Variants in PCDH11X observed in about 807,000 individuals in gnomAD.
The protein encoded by PCDH11X is protocadherin-11 X-linked.
In PCDH11X, 18 loss-of-function variants were observed where a neutral mutation model predicts 53.3. That is an observed-to-expected ratio of 0.34 (90% CI 0.23 to 0.50). The LOEUF is 0.50. PCDH11X is among the 20% of genes least tolerant of loss of function. PCDH11X has a pLI of 0.98. For synonymous variants in PCDH11X, 279 were observed against 393.3 expected (o/e 0.71, Z 3.44); for missense variants, 570 against 1,032.4 (o/e 0.55, Z 6.14).
At chrX:91,880,395 A>T (rs1042288033) in intron 6 of PCDH11X, among the ~76,000 whole-genome samples, 12 of 111,305 alleles carry the variant, frequency 1.1e-4, no homozygotes, top group Admixed American at 3.9e-4. Context: ...TAGCAATGTG[A>T]AAATCAAAAC....
At chrX:92,064,734 T>C (rs1003274970) in intron 6 of PCDH11X, among the ~76,000 whole-genome samples, 1 of 109,861 alleles carries the variant, frequency 9.1e-6, no homozygotes, top group Non-Finnish European at 1.9e-5. Flanking sequence ...AATTTTTTGT[T>C]GTTTTTTGTT....
intron 10 of PCDH11X, among the ~76,000 whole-genome samples, chrX:92,510,780 TG>T (rs2074147948): frequency 2.7e-5 from 3 of 111,702 alleles, no homozygotes; most frequent in African/African-American, 6.5e-5. Context: ...AAATTCAGTT[TG>T]TCTTATCCTA....
intron 5 of PCDH11X, among the ~76,000 whole-genome samples, chrX:91,869,946 A>G (rs1602395566): frequency 8.9e-6 from 1 of 111,978 alleles, no homozygotes; most frequent in Non-Finnish European, 1.9e-5. Context: ...ATTATTATGC[A>G]TGCTAGTAAA....
chrX:92,550,971 T>C (rs2074943819), intron 10 of PCDH11X, among the ~76,000 whole-genome samples: 1 of 111,244 alleles, frequency 9.0e-6, no homozygotes, highest in African/African-American at 3.3e-5. Flanking sequence ...ACCACATTTC[T>C]TTCTCTATTC....
chrX:92,324,284 A>G (rs919289301), intron 8 of PCDH11X, among the ~76,000 whole-genome samples: 2 of 111,648 alleles, frequency 1.8e-5, no homozygotes, highest in African/African-American at 6.5e-5. Context: ...CACCCCAGGA[A>G]TCATGGTCTT....
At chrX:91,889,251 A>G (rs980145121) in intron 6 of PCDH11X, among the ~76,000 whole-genome samples, 4 of 111,639 alleles carry the variant, frequency 3.6e-5, no homozygotes, top group African/African-American at 1.3e-4. Context: ...AAAACTATGA[A>G]TTGAGTGTAT....
intron 6 of PCDH11X, among the ~76,000 whole-genome samples, chrX:92,159,814 ATTTT>A: frequency 2.4e-5 from 1 of 42,403 alleles, no homozygotes; most frequent in Admixed American, 3.8e-4. Flanking sequence ...AGGTTACCTC[ATTTT>A]TTTTTTTTTT....
intron 6 of PCDH11X, among the ~76,000 whole-genome samples, chrX:92,084,669 A>G (rs1270902519): frequency 8.9e-6 from 1 of 111,733 alleles, no homozygotes; most frequent in Non-Finnish European, 1.9e-5. Context: ...CTGAGAGTGC[A>G]GCTCGCATGT....
At chrX:92,464,699 A>G (rs1332357843) in intron 9 of PCDH11X, among the ~76,000 whole-genome samples, 1 of 111,576 alleles carries the variant, frequency 9.0e-6, no homozygotes, top group Non-Finnish European at 1.9e-5. Context: ...TATGCAATCT[A>G]CACAAGTACA....
At chrX:91,796,097 GGTTAA>G (rs1293946893) in intron 1 of PCDH11X, among the ~76,000 whole-genome samples, 2 of 111,662 alleles carry the variant, frequency 1.8e-5, no homozygotes, top group African/African-American at 3.2e-5. Flanking sequence ...TAACAAGTTT[GGTTAA>G]GTGCAAGGAA....
At chrX:91,938,249 C>T (rs998389151) in intron 6 of PCDH11X, among the ~76,000 whole-genome samples, 6 of 109,409 alleles carry the variant, frequency 5.5e-5, no homozygotes, top group Non-Finnish European at 9.5e-5. Flanking sequence ...TACATCTGTC[C>T]AAGATGGAAT....
intron 7 of PCDH11X, among the ~76,000 whole-genome samples, chrX:92,241,916 T>G (rs895827979): frequency 2.7e-5 from 3 of 111,074 alleles, no homozygotes; most frequent in Non-Finnish European, 5.6e-5. Flanking sequence ...TATGTGTGTA[T>G]TCAGCTCTGT....
chrX:92,198,716 T>C (rs935494996), intron 6 of PCDH11X, among the ~76,000 whole-genome samples: 4 of 111,496 alleles, frequency 3.6e-5, no homozygotes, highest in African/African-American at 1.3e-4. Context: ...AAAGACTTTA[T>C]ATATTTTCAT....
chrX:92,270,568 G>A (rs966525245), intron 8 of PCDH11X, among the ~76,000 whole-genome samples: 1 of 111,942 alleles, frequency 8.9e-6, no homozygotes, highest in Non-Finnish European at 1.9e-5. Flanking sequence ...ATGCCTAGGA[G>A]GGAGGTCTGT....
At chrX:92,178,842 AT>A (rs997471157) in intron 6 of PCDH11X, among the ~76,000 whole-genome samples, 1 of 111,870 alleles carries the variant, frequency 8.9e-6, no homozygotes, top group Admixed American at 9.6e-5. Context: ...ACAGAAAAAT[AT>A]TTTTTTGTTT....
intron 6 of PCDH11X, among the ~76,000 whole-genome samples, chrX:91,986,563 A>G (rs776231848): frequency 2.0e-3 from 217 of 109,597 alleles, no homozygotes; most frequent in Admixed American, 3.4e-3. Flanking sequence ...CATGGTGACA[A>G]TAGGTTTATT....
intron 8 of PCDH11X, among the ~76,000 whole-genome samples, chrX:92,374,275 T>G (rs900472204): frequency 1.9e-5 from 2 of 103,991 alleles, no homozygotes; most frequent in African/African-American, 7.0e-5. Flanking sequence ...AAATCAATAA[T>G]GCAACCCTTT....
intron 8 of PCDH11X, among the ~76,000 whole-genome samples, chrX:92,264,981 T>C (rs1474038723): frequency 9.4e-6 from 1 of 106,851 alleles, no homozygotes; most frequent in African/African-American, 3.4e-5. Flanking sequence ...GGTTATGACG[T>C]TAAAAATCTG....
chrX:91,781,794 G>A (rs1376828238), intron 1 of PCDH11X, among the ~76,000 whole-genome samples: 4 of 112,121 alleles, frequency 3.6e-5, no homozygotes, highest in African/African-American at 1.3e-4. Flanking sequence ...GAGAGAGCGC[G>A]GACCGTGTGC....
Sources: allele counts gnomAD v4.1 joint callset (sites outside exome capture counted in the v4.1 genomes callset), GRCh38; gene constraint gnomAD v4.1.1; transcripts MANE v1.5; gene names NCBI Gene and HGNC (gene_info 2026-07-23, HGNC 2026-07-21).